GPRC5C: variants seen among roughly 807,000 people sequenced by gnomAD.
GPRC5C encodes G protein-coupled receptor class C group 5 member C.
GPRC5C carries 22 observed loss-of-function variants against 31.4 expected under a neutral mutation model. The observed-to-expected ratio is 0.70, with a 90% confidence interval of 0.50 to 1.00. GPRC5C has a LOEUF of 1.00. GPRC5C is among the 50% of genes least tolerant of loss of function. GPRC5C has a pLI of 0.00. For synonymous variants in GPRC5C, 249 were observed against 257.5 expected (o/e 0.97, Z 0.32); for missense variants, 557 against 597.2 (o/e 0.93, Z 0.70).
intron 3 of GPRC5C, among the ~76,000 whole-genome samples, chr17:74,445,012 G>A (rs1375245913): frequency 6.6e-6 from 1 of 152,198 alleles, no homozygotes; most frequent in Non-Finnish European, 1.5e-5. Flanking sequence ...TACTTTGAGA[G>A]GCTGAGGCAG....
chr17:74,432,495 G>C, intron 1 of GPRC5C: 1 of 1,027,812 alleles, frequency 9.7e-7, no homozygotes, highest in Non-Finnish European at 1.2e-6. Flanking sequence ...CAAACGCTGC[G>C]CTGGAGCGGG....
Position 74,440,846 on chromosome 17 carries a change from C to T in GPRC5C, c.1051+19C>T. The T allele has an allele frequency of 6.9e-7, 1 of 1,449,456 alleles. No individual in the cohort carries two copies. Among genetic ancestry groups the T allele is most frequent in the Non-Finnish European group, 9.1e-7 (1 of 1,094,872 alleles). 89.8% of individuals were successfully genotyped at this position (1,449,456 alleles called of 1,614,324 possible). A position where few individuals can be genotyped will look rare whatever the true frequency, so the allele number is the denominator to read the frequency against. The stretch of plus-strand genomic sequence containing the variant: ...GTTGCAGGTGGGTCTCTGTGGATGC[C>T]CCCAGTGGCCCCTTTCTCCATCCCA... On this transcript the variant is annotated intron_variant, in intron 2 of 3. Coordinates refer to ENST00000392627, the MANE Select transcript of GPRC5C (RefSeq NM_022036.4). The surrounding 1 kb of genome is among the most constrained non-coding windows in gnomAD (Gnocchi z 4.4).
At chr17:74,433,986 C>T (rs1457872068) in intron 1 of GPRC5C, among the ~76,000 whole-genome samples, 1 of 152,134 alleles carries the variant, frequency 6.6e-6, no homozygotes, top group Non-Finnish European at 1.5e-5. Flanking sequence ...GCCTCTGGGC[C>T]TCTGAGCCTC....
intron 2 of GPRC5C, chr17:74,443,009 C>T (rs2144433960): frequency 6.6e-6 from 1 of 152,280 alleles, no homozygotes; most frequent in African/African-American, 2.4e-5. Context: ...TAGAGTGAGC[C>T]CAGCCCCAGC....
At chr17:74,449,305 T>G, downstream of GPRC5C, 1 of 1,266,012 alleles carries the variant, frequency 7.9e-7, no homozygotes, top group Non-Finnish European at 1.0e-6. Context: ...TAGAGTCCCC[T>G]TTGACTCTTG....
At chr17:74,448,233 C>T (rs1186702504), downstream of GPRC5C, among the ~76,000 whole-genome samples, 2 of 152,156 alleles carry the variant, frequency 1.3e-5, no homozygotes, top group East Asian at 1.9e-4. Flanking sequence ...CCCAGGAGGT[C>T]GAGGCTGCAG....
chr17:74,437,388 A>G (rs1051651809), intron 1 of GPRC5C, among the ~76,000 whole-genome samples: 32 of 152,226 alleles, frequency 2.1e-4, no homozygotes, highest in African/African-American at 7.0e-4. Flanking sequence ...CCAGTTATTT[A>G]GGAAAACAAC....
rs2055528920 is a variant in GPRC5C, at chr17:74,440,950, A to G, written c.1051+123A>G. 1 of 807,630 alleles carries G rather than the reference A, an allele frequency of 1.2e-6. No individual in the cohort carries two copies. The highest frequency in any genetic ancestry group is 1.7e-6 in the Non-Finnish European group (1 of 578,264). 50.0% of individuals were successfully genotyped at this position (807,630 alleles called of 1,614,324 possible). ...TGAGGTTTTCTGTAGTTTTCTGCCT[A>G]AGTGTCTCTAAATTCCATTTAATTT... On this transcript the variant is annotated intron_variant, in intron 2 of 3. Transcript: ENST00000392627. The surrounding 1 kb of genome is among the most constrained non-coding windows in gnomAD (Gnocchi z 4.4).
At chr17:74,438,256 TTG>T (rs2055471952) in intron 1 of GPRC5C, among the ~76,000 whole-genome samples, 1 of 103,352 alleles carries the variant, frequency 9.7e-6, no homozygotes, top group Non-Finnish European at 1.6e-5. Context: ...TATATATTTG[TTG>T]TTGTTGTTGT....
intron 2 of GPRC5C, 24 bp from the exon 3 acceptor site, chr17:74,443,794 A>C: frequency 1.9e-6 from 3 of 1,552,576 alleles, no homozygotes; most frequent in Non-Finnish European, 8.9e-7. Context: ...GGGATCTTCA[A>C]ACTGTTCCTG....
intron 1 of GPRC5C, among the ~76,000 whole-genome samples, chr17:74,433,264 G>T (rs1268372354): frequency 6.6e-6 from 1 of 152,156 alleles, no homozygotes. Context: ...CCTTCAACTG[G>T]ACTGGGGGAG....
intron 1 of GPRC5C, among the ~76,000 whole-genome samples, chr17:74,438,651 G>A (rs1222234192): frequency 6.6e-6 from 1 of 152,064 alleles, no homozygotes; most frequent in Non-Finnish European, 1.5e-5. Context: ...TGTTCACCTT[G>A]ACCTCCCAAA....
At chr17:74,446,735 G>GCCAGAGGGGGCA in intron 3 of GPRC5C, 114 bp from the exon 4 acceptor site, 1 of 801,840 alleles carries the variant, frequency 1.2e-6, no homozygotes, top group Non-Finnish European at 2.0e-6. Flanking sequence ...GGAGCCGAGG[G>GCCAGAGGGGGCA]GGGAGTTGGG....
downstream of GPRC5C, chr17:74,449,372 C>T (rs1338567951): frequency 7.7e-7 from 1 of 1,298,602 alleles, no homozygotes; most frequent in South Asian, 1.2e-5. Flanking sequence ...TGGTAGAAGC[C>T]CTCTTCCCGG....
chr17:74,435,727 C>T (rs971265388), intron 1 of GPRC5C, among the ~76,000 whole-genome samples: 18 of 152,206 alleles, frequency 1.2e-4, no homozygotes, highest in Non-Finnish European at 2.4e-4. Context: ...CTGACCCTAG[C>T]CCAAGTGCCT....
downstream of GPRC5C, chr17:74,448,872 TAA>T (rs1405177781): frequency 1.6e-6 from 2 of 1,289,724 alleles, no homozygotes; most frequent in African/African-American, 1.5e-5. Context: ...CAGGTTTTCC[TAA>T]GACTCTGACG....
At chr17:74,448,156 T>A (rs541917829), downstream of GPRC5C, among the ~76,000 whole-genome samples, 285 of 151,042 alleles carry the variant, frequency 1.9e-3, 1 homozygote, top group African/African-American at 5.9e-3. Flanking sequence ...AAAAAAAAAA[T>A]TTTTTTTTAA....
chr17:74,440,995 T>G lies in GPRC5C; in HGVS notation c.1051+168T>G, dbSNP rs938374078. On this transcript the variant is annotated intron_variant, in intron 2 of 3. Transcript: ENST00000392627. The surrounding 1 kb of genome is among the most constrained non-coding windows in gnomAD (Gnocchi z 4.4). ...TAATTTAAAGATTTTTTTTTTTCAG[T>G]TGGGCATGGTAGATCATGCCTGTAA... Among the ~76,000 whole-genome samples the G allele has an allele frequency of 1.3e-5, 2 of 151,458 alleles. No individual in the cohort carries two copies. The highest frequency in any genetic ancestry group is 2.9e-5 in the Non-Finnish European group (2 of 67,816).
chr17:74,439,413 C>T (rs144762912), intron 1 of GPRC5C, among the ~76,000 whole-genome samples: 4 of 152,250 alleles, frequency 2.6e-5, no homozygotes, highest in African/African-American at 9.6e-5. Context: ...GTTCACAAGC[C>T]CCTTCATCCT....
Sources: allele counts gnomAD v4.1 joint callset (sites outside exome capture counted in the v4.1 genomes callset), GRCh38; gene constraint gnomAD v4.1.1; non-coding constraint Gnocchi (gnomAD v3.1); transcripts MANE v1.5; gene names NCBI Gene and HGNC (gene_info 2026-07-23, HGNC 2026-07-21).